The following TJP3 variants were observed in gnomAD, a reference collection of about 807,000 sequenced individuals.
TJP3 encodes tight junction protein ZO-3.
In TJP3, 85 loss-of-function variants were observed where a neutral mutation model predicts 104.2. The ratio of observed to expected loss-of-function variants is 0.82; its 90% CI spans 0.68 to 0.98. The LOEUF is 0.98. Among genes scored for constraint, TJP3 ranks in the 50% least tolerant of loss-of-function variants. The probability of loss-of-function intolerance (pLI) is 0.00; values close to 1 mark genes in which losing one functional copy is unlikely to be tolerated. For synonymous variants in TJP3, 550 were observed against 550.6 expected (o/e 1.00, Z 0.02); for missense variants, 1,367 against 1,322.8 (o/e 1.03, Z -0.52).
chr19:3,748,699 G>A (rs1228056790), intron 19 of TJP3, among the ~76,000 whole-genome samples: 1 of 150,920 alleles, frequency 6.6e-6, no homozygotes, highest in East Asian at 1.9e-4. Context: ...CTCCTGAGTA[G>A]CTAGGATTAC....
chr19:3,711,038 G>T (rs778752679), intron 1 of TJP3, among the ~76,000 whole-genome samples: 6 of 147,460 alleles, frequency 4.1e-5, no homozygotes, highest in South Asian at 4.5e-4. Flanking sequence ...CGAGTAGCTG[G>T]GACTACAGGC....
At chr19:3,726,593 GT>G (rs113808998) in intron 1 of TJP3, among the ~76,000 whole-genome samples, 44 of 145,018 alleles carry the variant, frequency 3.0e-4, no homozygotes, top group African/African-American at 6.3e-4. Context: ...AGTTTTTTTT[GT>G]TTTTTTTTTT....
intron 11 of TJP3, among the ~76,000 whole-genome samples, chr19:3,736,966 G>A (rs375683050): frequency 1.3e-5 from 2 of 148,166 alleles, no homozygotes; most frequent in African/African-American, 2.5e-5. Flanking sequence ...TGCAACCTCC[G>A]CCTCCCGGGT....
chr19:3,730,136 T>C lies in TJP3; in HGVS notation c.261+6T>C, dbSNP rs1233620375. ...GCACCAAGATGGCCAACATCGTGAG[T>C]AGGCAGCCCCTGGCATGGCCAGCAT... On this transcript the variant is annotated splice_donor_region_variant and intron_variant, in intron 4 of 20. Transcript: ENST00000541714. The surrounding 1 kb of genome is among the most constrained non-coding windows in gnomAD (Gnocchi z 7.3). The C allele has an allele frequency of 1.2e-6, 2 of 1,613,604 alleles. No individual in the cohort carries two copies. The highest frequency in any genetic ancestry group is 3.3e-5 in the Admixed American group (2 of 60,028).
chr19:3,721,568 G>T (rs996174262), intron 1 of TJP3: 1 of 215,002 alleles, frequency 4.7e-6, no homozygotes, highest in Non-Finnish European at 9.1e-6. Flanking sequence ...CTCTGGCCGC[G>T]GCCGCCGGCC....
At position 3,728,486 on chromosome 19, in the gene TJP3, G is replaced by A. The variant is rs746701173; in HGVS notation, c.48+6G>A. 2 of 1,605,418 alleles carry A rather than the reference G, an allele frequency of 1.2e-6. No individual in the cohort carries two copies. Among genetic ancestry groups the A allele is most frequent in the Non-Finnish European group, 1.7e-6 (2 of 1,176,106 alleles). ...ACACGGCCACACTGTCCAAGGTGAG[G>A]CCTCCCTCTCCCTGTCTGGGTGCCA... On this transcript the variant is annotated splice_donor_region_variant and intron_variant, in intron 2 of 20. Coordinates refer to ENST00000541714, the MANE Select transcript of TJP3 (RefSeq NM_001267560.2).
chr19:3,728,829 G>GTGA lies in TJP3; in HGVS notation c.158+116_158+117insTGA. The GTGA allele has an allele frequency of 2.8e-6, 3 of 1,085,698 alleles. No individual in the cohort carries two copies. The South Asian group carries it at 4.4e-5, about 16-fold the overall frequency. The allele number at this position is 1,085,698 out of a possible 1,614,324, so 67.3% of individuals were successfully genotyped here. A position where few individuals can be genotyped will look rare whatever the true frequency, so the allele number is the denominator to read the frequency against. ...GCACTTTGCGAGGCTGAAGTGGGCG[G>GTGA]ATCACCTGAGTTCAGGAGTTTGAGA... On this transcript the variant is annotated intron_variant, in intron 3 of 20. Coordinates refer to ENST00000541714, the MANE Select transcript of TJP3 (RefSeq NM_001267560.2).
At chr19:3,747,065 T>C (rs938642171) in intron 18 of TJP3, among the ~76,000 whole-genome samples, 189 bp downstream of exon 18, 1 of 151,970 alleles carries the variant, frequency 6.6e-6, no homozygotes, top group Non-Finnish European at 1.5e-5. Flanking sequence ...GAGGAGCTGT[T>C]TTTTGTTGTT....
chr19:3,730,571 C>T lies in TJP3; in HGVS notation c.478C>T (p.His160Tyr), dbSNP rs764480405. The change falls in exon 5 of 21, where the codon CAT (histidine) becomes TAT (tyrosine). Residue 160 changes from histidine (H) to tyrosine (Y), a missense_variant. Transcript: ENST00000541714. The surrounding 1 kb of genome is among the most constrained non-coding windows in gnomAD (Gnocchi z 7.3). Reference sequence around the variant, plus strand: ...TGGTCGCCGGGGCCGGGCCGGCAGCCATGGGCGTAGGAGCCCAGGTGGTGG... The same window carrying T: ...TGGTCGCCGGGGCCGGGCCGGCAGCTATGGGCGTAGGAGCCCAGGTGGTGG... ...RPGRRGRAGSHGRRSPGGGSE... is the reference protein window; with the variant it reads ...RPGRRGRAGSYGRRSPGGGSE... 1 of 1,608,412 alleles carries T rather than the reference C, an allele frequency of 6.2e-7. No individual in the cohort carries two copies. The highest frequency in any genetic ancestry group is 8.5e-7 in the Non-Finnish European group (1 of 1,179,148).
In TJP3 at chr19:3,739,098, G is replaced by A. The variant is rs760861451; in HGVS notation, c.1595G>A (p.Arg532Gln). Residue 532 changes from arginine to glutamine, a missense_variant, in exon 13 of 21, where the codon CGG becomes CAG. Arg to Gln is a conservative substitution (Grantham distance 43). Transcript: ENST00000541714. ...GCGGTGCGCATGGGTCGTGACCTGCGGGAGCAAGAGCGGGGCATCATTCCC... is the reference window on the plus strand; with the variant it reads ...GCGGTGCGCATGGGTCGTGACCTGCAGGAGCAAGAGCGGGGCATCATTCCC... ...WLAVRMGRDL[R>Q]EQERGIIPNQ... 3 of 1,583,096 alleles carry A rather than the reference G, an allele frequency of 1.9e-6. No homozygotes were observed. The highest frequency in any genetic ancestry group is 1.1e-5 in the South Asian group (1 of 88,348).
intron 6 of TJP3, 123 bp from the exon 7 acceptor site, chr19:3,733,630 G>C (rs1340145245): frequency 1.5e-6 from 2 of 1,313,746 alleles, no homozygotes; most frequent in African/African-American, 2.9e-5. Flanking sequence ...TCCTTAGGGA[G>C]TGGCTGTTTT....
intron 1 of TJP3, among the ~76,000 whole-genome samples, chr19:3,711,644 G>A (rs55649429): frequency 2.0e-5 from 3 of 146,934 alleles, no homozygotes; most frequent in South Asian, 4.4e-4. Flanking sequence ...TGTAATCCCA[G>A]CACTTTGGGA....
rs2036737511 is a variant in TJP3 at position 3,736,227 on chromosome 19, C to T, written c.1190C>T (p.Ala397Val). ...GGCAAGAGCATCGGGCTGCGGCTGG[C>T]AGGGGGCAATGACGTGGGCATCTTC... is the stretch of plus-strand genomic sequence containing the variant. ...LKGKSIGLRL[A>V]GGNDVGIFVS... Residue 397 changes from alanine to valine, a missense_variant, in exon 11 of 21, where the codon GCA becomes GTA. Physicochemically the swap from Ala to Val is moderately conservative, Grantham distance 64. Coordinates refer to ENST00000541714, the MANE Select transcript of TJP3 (RefSeq NM_001267560.2). The T allele has an allele frequency of 2.5e-6, 4 of 1,592,254 alleles. No homozygotes were observed. The highest frequency in any genetic ancestry group is 1.1e-5 in the South Asian group (1 of 88,498).
chr19:3,728,630 G>A lies in TJP3; in HGVS notation c.75G>A (p.Ala25=), dbSNP rs768787035. Residue 25 remains alanine, a synonymous_variant, in exon 3 of 21, where the codon GCG becomes GCA. Transcript: ENST00000541714. The part of the protein sequence containing the change: ...SKDPRRGFGI[A]ISGGRDRPGG... The stretch of plus-strand genomic sequence containing the variant: ...ACCCCCGCCGGGGCTTTGGCATTGC[G>A]ATCTCTGGAGGCCGAGACCGGCCCG... 25 of 1,613,428 alleles carry A rather than the reference G, an allele frequency of 1.5e-5. No individual in the cohort carries two copies. In the East Asian group the frequency reaches 3.3e-4, roughly 22 times the overall value.
Position 3,730,415 on chromosome 19 carries a change from G to T in TJP3, c.322G>T (p.Gly108Trp). ...PATKASPSSP[G>W]RQDSDEDDGP... ...CACCAAAGCCAGCCCCTCCAGCCCA[G>T]GGCGCCAGGACTCGGATGAAGACGA... The change falls in exon 5 of 21, where the codon GGG becomes TGG. Residue 108 changes from glycine (G) to tryptophan (W), a missense_variant. By Grantham distance (184) the Gly-to-Trp change is radical. Transcript: ENST00000541714. The surrounding 1 kb of genome is among the most constrained non-coding windows in gnomAD (Gnocchi z 7.3). The T allele has an allele frequency of 6.3e-7, 1 of 1,586,358 alleles. No individual in the cohort carries two copies.
intron 1 of TJP3, among the ~76,000 whole-genome samples, chr19:3,719,240 G>A (rs574328442): frequency 1.1e-4 from 12 of 108,134 alleles, no homozygotes; most frequent in Admixed American, 5.6e-4. Context: ...TGCGCCACCT[G>A]CTGGTGGCGG....
chr19:3,728,428 C>T lies in TJP3; in HGVS notation c.-5C>T, dbSNP rs1403440109. On this transcript the variant is annotated 5_prime_UTR_variant, in exon 2 of 21. Transcript: ENST00000541714. ...TTCCCCGCTCCCCTCGACCAGGTGG[C>T]TGACATGGAGGAGCTGACCATCTGG... The T allele has an allele frequency of 1.2e-6, 2 of 1,614,048 alleles. No homozygotes were observed. Among genetic ancestry groups the T allele is most frequent in the Non-Finnish European group, 1.7e-6 (2 of 1,180,010 alleles).
chr19:3,734,596 C>G (rs1022800189), intron 8 of TJP3, among the ~76,000 whole-genome samples, 161 bp downstream of exon 8: 1 of 152,200 alleles, frequency 6.6e-6, no homozygotes, highest in Non-Finnish European at 1.5e-5. Flanking sequence ...ACCCATTACC[C>G]AGTTCCAAAG....
chr19:3,724,954 G>C (rs1449296892), intron 1 of TJP3, among the ~76,000 whole-genome samples: 1 of 152,120 alleles, frequency 6.6e-6, no homozygotes, highest in Non-Finnish European at 1.5e-5. Context: ...AGCCACTGTA[G>C]CCTGGTGGTT....
Sources: gnomAD v4.1 joint callset for allele counts (sites outside exome capture counted in the v4.1 genomes callset) on GRCh38, gnomAD v4.1.1 for gene constraint, Gnocchi (gnomAD v3.1) non-coding constraint, MANE v1.5 for transcripts, NCBI Gene and HGNC (gene_info 2026-07-23, HGNC 2026-07-21) for gene names.